ANKS1B: variants seen among roughly 807,000 people sequenced by gnomAD.
ANKS1B encodes the protein ankyrin repeat and sterile alpha motif domain-containing protein 1B.
Under a neutral mutation model 148.3 loss-of-function variants are expected in ANKS1B, and 36 were observed. That is an observed-to-expected ratio of 0.24 (90% CI 0.19 to 0.32). The LOEUF is 0.32. Among genes scored for constraint, ANKS1B ranks in the 10% least tolerant of loss-of-function variants. The pLI is 1.00. For missense variants in ANKS1B, 1,157 were observed against 1,542.6 expected, an observed-to-expected ratio of 0.75 and a Z score of 4.19; for synonymous variants, 542 against 560.8, an observed-to-expected ratio of 0.97 and a Z score of 0.47.
intron 4 of ANKS1B, among the ~76,000 whole-genome samples, chr12:99,796,689 AT>A (rs1022822808): frequency 1.3e-5 from 2 of 151,944 alleles, no homozygotes; most frequent in Admixed American, 6.6e-5. Context: ...AACAAATAAG[AT>A]TTTTTAAGTG....
chr12:99,828,938 G>A (rs1216060523), intron 1 of ANKS1B, among the ~76,000 whole-genome samples: 1 of 151,890 alleles, frequency 6.6e-6, no homozygotes, highest in South Asian at 2.1e-4. Context: ...AGTCAAGATC[G>A]CACCACTGCA....
intron 17 of ANKS1B, among the ~76,000 whole-genome samples, chr12:98,959,387 G>A (rs1182633877): frequency 1.3e-5 from 2 of 152,144 alleles, no homozygotes; most frequent in African/African-American, 4.8e-5. Flanking sequence ...CTTGTTATCT[G>A]GTAGAGGCTG....
Position 99,812,197 on chromosome 12 carries a change from A to G in ANKS1B, c.330T>C (p.Ile110=). The G allele has an allele frequency of 1.2e-6, 2 of 1,612,022 alleles. No homozygotes were observed. Among genetic ancestry groups the G allele is most frequent in the Non-Finnish European group, 1.7e-6 (2 of 1,178,580 alleles). The change falls in exon 3 of 27, where the codon ATT becomes ATC. Residue 110 remains isoleucine, a synonymous_variant. Coordinates refer to ENST00000683438, the MANE Select transcript of ANKS1B (RefSeq NM_001352186.2). ...AWKGDVEIVK[I]LIHHGPSHSR... ...AATGTGATGGTCCATGATGAATAAG[A>G]ATCTTCACAATTTCCACATCTCCTT...
chr12:99,667,844 T>C (rs1354166931), intron 8 of ANKS1B, among the ~76,000 whole-genome samples: 1 of 152,228 alleles, frequency 6.6e-6, no homozygotes. Context: ...TGGTAAAATA[T>C]ATTAATTGAT....
chr12:99,219,403 G>A (rs1199934598), intron 14 of ANKS1B, among the ~76,000 whole-genome samples: 1 of 152,090 alleles, frequency 6.6e-6, no homozygotes, highest in Non-Finnish European at 1.5e-5. Flanking sequence ...CTCTGTGGAA[G>A]GATAGGAGGC....
At chr12:99,853,630 G>A (rs533847709) in intron 1 of ANKS1B, among the ~76,000 whole-genome samples, 1 of 152,188 alleles carries the variant, frequency 6.6e-6, no homozygotes, top group Admixed American at 6.5e-5. Context: ...AGCTTACCCA[G>A]AAAAACAATC....
chr12:99,339,209 G>A (rs572074083), intron 12 of ANKS1B, among the ~76,000 whole-genome samples: 203 of 152,180 alleles, frequency 1.3e-3, no homozygotes, highest in Non-Finnish European at 2.6e-3. Flanking sequence ...CCACAAGCTG[G>A]AACGGATAAT....
intron 22 of ANKS1B, among the ~76,000 whole-genome samples, chr12:98,784,426 C>A (rs534997602): frequency 1.1e-4 from 16 of 152,288 alleles, no homozygotes; most frequent in Admixed American, 3.3e-4. Context: ...AGGAGCAATG[C>A]CCCATGCCAT....
At chr12:99,517,261 A>G (rs2096830628) in intron 9 of ANKS1B, among the ~76,000 whole-genome samples, 1 of 152,004 alleles carries the variant, frequency 6.6e-6, no homozygotes, top group South Asian at 2.1e-4. Context: ...ATTTAATTTT[A>G]GTTGTGGCTA....
At chr12:99,598,105 C>A (rs1027779559) in intron 9 of ANKS1B, among the ~76,000 whole-genome samples, 1 of 151,974 alleles carries the variant, frequency 6.6e-6, no homozygotes, top group African/African-American at 2.4e-5. Context: ...GAACTCCAGT[C>A]TGGAGATGAG....
intron 8 of ANKS1B, among the ~76,000 whole-genome samples, chr12:99,764,996 T>C (rs2062509811): frequency 6.6e-6 from 1 of 152,092 alleles, no homozygotes; most frequent in Non-Finnish European, 1.5e-5. Flanking sequence ...TAGGAGGCTC[T>C]TGAAATAACT....
chr12:99,545,293 C>T (rs148690440), intron 9 of ANKS1B, among the ~76,000 whole-genome samples: 327 of 152,136 alleles, frequency 2.1e-3, no homozygotes, highest in African/African-American at 6.8e-3. Flanking sequence ...ATTTAACTTT[C>T]GACCAATATT....
At chr12:99,409,698 A>G (rs2094626886) in intron 11 of ANKS1B, among the ~76,000 whole-genome samples, 1 of 152,210 alleles carries the variant, frequency 6.6e-6, no homozygotes, top group East Asian at 1.9e-4. Context: ...GAAATGGAAT[A>G]ACAGCAATGG....
At chr12:99,294,765 T>C (rs975934588) in intron 12 of ANKS1B, among the ~76,000 whole-genome samples, 9 of 152,108 alleles carry the variant, frequency 5.9e-5, no homozygotes, top group Non-Finnish European at 1.2e-4. Context: ...GCAATTCTCC[T>C]GCTTCGGTCT....
intron 25 of ANKS1B, among the ~76,000 whole-genome samples, chr12:98,764,848 C>T (rs1159938574): frequency 6.6e-6 from 1 of 152,216 alleles, no homozygotes; most frequent in East Asian, 1.9e-4. Context: ...TGGTGCAGTG[C>T]CCGGGTGGCA....
At chr12:99,671,978 T>G (rs1567612124) in intron 8 of ANKS1B, among the ~76,000 whole-genome samples, 1 of 152,156 alleles carries the variant, frequency 6.6e-6, no homozygotes, top group Non-Finnish European at 1.5e-5. Flanking sequence ...ATTTTAAAAC[T>G]CTTTTCTTTT....
chr12:99,471,906 T>C (rs2096248477), intron 10 of ANKS1B, among the ~76,000 whole-genome samples: 1 of 152,192 alleles, frequency 6.6e-6, no homozygotes, highest in Non-Finnish European at 1.5e-5. Context: ...GCCCTGTTTT[T>C]GCTGTTGTCA....
intron 17 of ANKS1B, among the ~76,000 whole-genome samples, chr12:99,040,260 C>T (rs1335681181): frequency 6.6e-6 from 1 of 151,808 alleles, no homozygotes; most frequent in Non-Finnish European, 1.5e-5. Flanking sequence ...CTTTCTCTCT[C>T]TCTATGTGCG....
At chr12:99,739,860 T>C (rs892877106) in intron 8 of ANKS1B, among the ~76,000 whole-genome samples, 4 of 152,224 alleles carry the variant, frequency 2.6e-5, no homozygotes, top group African/African-American at 7.2e-5. Context: ...CTAAGCCCCT[T>C]GTTTTACTTC....
Sources: allele counts gnomAD v4.1 joint callset (sites outside exome capture counted in the v4.1 genomes callset), GRCh38; gene constraint gnomAD v4.1.1; transcripts MANE v1.5; gene names NCBI Gene and HGNC (gene_info 2026-07-23, HGNC 2026-07-21).